AGTPBP1: variants seen among roughly 807,000 people sequenced by gnomAD.
AGTPBP1 encodes ATP/GTP binding carboxypeptidase 1.
In AGTPBP1, 70 loss-of-function variants were observed where a neutral mutation model predicts 143.9. The observed-to-expected ratio is 0.49, with a 90% confidence interval of 0.40 to 0.59. The LOEUF (loss-of-function observed/expected upper bound fraction) is 0.59. Ranked by LOEUF, AGTPBP1 falls within the 20% of genes least tolerant of loss-of-function variation. The pLI, the probability that AGTPBP1 is intolerant of heterozygous loss-of-function variation, is 0.00. For synonymous variants in AGTPBP1, 463 were observed against 500.2 expected (o/e 0.93, Z 0.99); for missense variants, 1,229 against 1,464.5 (o/e 0.84, Z 2.62).
At chr9:85,556,425 A>G (rs1826346060) in intron 25 of AGTPBP1, among the ~76,000 whole-genome samples, 1 of 152,202 alleles carries the variant, frequency 6.6e-6, no homozygotes, top group South Asian at 2.1e-4. Context: ...AAGGTGAGAA[A>G]AAAACATAAA....
In AGTPBP1 at chr9:85,653,484, C is replaced by G. The variant is rs544215189; in HGVS notation, c.1087+1659G>C. On this transcript the variant is annotated intron_variant, in intron 11 of 25. Transcript: ENST00000357081. ...GCACTAGAGGTCGGCTTTCTCTATC[C>G]GTCAATCCAGACACTAAATAAAGAA... is the stretch of plus-strand genomic sequence containing the variant. Among the ~76,000 whole-genome samples the G allele has an allele frequency of 5.9e-5, 9 of 152,230 alleles. 1 individual carries two copies. The South Asian group carries it at 1.9e-3, about 32-fold the overall frequency.
At chr9:85,575,065 T>C (rs1827809787) in intron 25 of AGTPBP1, among the ~76,000 whole-genome samples, 1 of 152,190 alleles carries the variant, frequency 6.6e-6, no homozygotes, top group Non-Finnish European at 1.5e-5. Context: ...ACACTGTTCA[T>C]TTTGGGGTTA....
At chr9:85,642,153 A>T (rs10746765) in intron 13 of AGTPBP1, among the ~76,000 whole-genome samples, 56,001 of 152,038 alleles carry the variant, frequency 0.37, 13,598 homozygotes, top group African/African-American at 0.68. Context: ...TCAAACTCTT[A>T]GACACTTTAA....
chr9:85,592,056 C>T (rs894996630), intron 19 of AGTPBP1, among the ~76,000 whole-genome samples: 1 of 152,044 alleles, frequency 6.6e-6, no homozygotes, highest in African/African-American at 2.4e-5. Flanking sequence ...ATAATAAAAC[C>T]ATTTCCTTCA....
intron 23 of AGTPBP1, among the ~76,000 whole-genome samples, chr9:85,584,595 T>C (rs1828485384): frequency 6.6e-6 from 1 of 152,178 alleles, no homozygotes; most frequent in Non-Finnish European, 1.5e-5. Context: ...TTGCTTCCAG[T>C]TTTGCTACTG....
intron 14 of AGTPBP1, among the ~76,000 whole-genome samples, chr9:85,626,736 C>T (rs1395092166): frequency 6.6e-6 from 1 of 152,184 alleles, no homozygotes; most frequent in East Asian, 1.9e-4. Flanking sequence ...AGCCATTCAA[C>T]TCTGCCATGG....
intron 1 of AGTPBP1, among the ~76,000 whole-genome samples, chr9:85,740,174 TTTAA>T (rs1185329615): frequency 1.3e-5 from 2 of 152,180 alleles, no homozygotes; most frequent in East Asian, 1.9e-4. Context: ...TCTACAAAAG[TTTAA>T]TTAATAGATT....
At chr9:85,633,987 T>G (rs193229910) in intron 13 of AGTPBP1, among the ~76,000 whole-genome samples, 3 of 143,602 alleles carry the variant, frequency 2.1e-5, no homozygotes, top group Admixed American at 6.9e-5. Context: ...AGGTCAGGAG[T>G]TCAAGACCAG....
chr9:85,660,860 T>C (rs921815627), intron 9 of AGTPBP1, 76 bp downstream of exon 9: 2 of 1,112,678 alleles, frequency 1.8e-6, no homozygotes, highest in Non-Finnish European at 2.6e-6. Context: ...TAAATCTACA[T>C]TTCCAGTTTC....
At chr9:85,789,912 T>C in the AGTPBP1 span, among the ~76,000 whole-genome samples, 1 of 152,220 alleles carries the variant, frequency 6.6e-6, no homozygotes, top group African/African-American at 2.4e-5. Flanking sequence ...ACACATTAAA[T>C]GCAAGTATGA....
the AGTPBP1 span, chr9:85,774,084 G>A: frequency 8.2e-7 from 1 of 1,223,492 alleles, no homozygotes; most frequent in African/African-American, 1.5e-5. Flanking sequence ...GTAGGTGTGG[G>A]TACTGAAGGA....
At chr9:85,630,001 A>G (rs1020922223) in intron 14 of AGTPBP1, among the ~76,000 whole-genome samples, 1 of 152,214 alleles carries the variant, frequency 6.6e-6, no homozygotes, top group South Asian at 2.1e-4. Flanking sequence ...GTAAGAGAAA[A>G]TACTTTCAGT....
At chr9:85,636,534 G>A (rs1387816396) in intron 13 of AGTPBP1, among the ~76,000 whole-genome samples, 2 of 152,118 alleles carry the variant, frequency 1.3e-5, no homozygotes, top group East Asian at 1.9e-4. Context: ...TGGGATTACA[G>A]GCTTGAGCCA....
At chr9:85,665,970 T>C (rs1207391917) in intron 8 of AGTPBP1, among the ~76,000 whole-genome samples, 1 of 152,146 alleles carries the variant, frequency 6.6e-6, no homozygotes, top group Admixed American at 6.6e-5. Context: ...AATTTTAAAA[T>C]GTTAGATTTA....
chr9:85,709,537 A>G (rs1279057795), intron 2 of AGTPBP1, among the ~76,000 whole-genome samples: 1 of 152,114 alleles, frequency 6.6e-6, no homozygotes, highest in Non-Finnish European at 1.5e-5. Flanking sequence ...GTGATGGAAA[A>G]ATTTAAAGCA....
chr9:85,559,652 G>A (rs1826577187), intron 25 of AGTPBP1, among the ~76,000 whole-genome samples: 1 of 151,714 alleles, frequency 6.6e-6, no homozygotes, highest in African/African-American at 2.4e-5. Context: ...TTGACCAACT[G>A]GACCCAACAT....
intron 1 of AGTPBP1, chr9:85,741,532 A>T (rs1229167920): frequency 1.0e-6 from 1 of 985,250 alleles, no homozygotes; most frequent in African/African-American, 1.7e-5. Flanking sequence ...GGGTCCGGGG[A>T]CTGGGGAAGG....
upstream of AGTPBP1, among the ~76,000 whole-genome samples, chr9:85,745,412 A>G (rs1824569016): frequency 6.6e-6 from 1 of 152,244 alleles, no homozygotes. Context: ...AGCACCTCTT[A>G]TGTACCAGAC....
intron 1 of AGTPBP1, among the ~76,000 whole-genome samples, chr9:85,719,852 T>G (rs1402268946): frequency 6.6e-6 from 1 of 152,244 alleles, no homozygotes; most frequent in Non-Finnish European, 1.5e-5. Flanking sequence ...CCTAGTTTAT[T>G]GACAGTTTGT....
Sources: allele counts gnomAD v4.1 joint callset (sites outside exome capture counted in the v4.1 genomes callset), GRCh38; gene constraint gnomAD v4.1.1; transcripts MANE v1.5; gene names NCBI Gene and HGNC (gene_info 2026-07-23, HGNC 2026-07-21).